PTPN6: variants seen among roughly 807,000 people sequenced by gnomAD.
PTPN6 encodes protein tyrosine phosphatase non-receptor type 6.
Under a neutral mutation model 81.5 loss-of-function variants are expected in PTPN6, and 18 were observed. The observed-to-expected ratio is 0.22, with a 90% CI of 0.15 to 0.33. The LOEUF is 0.33. Ranked by LOEUF, PTPN6 falls within the 10% of genes least tolerant of loss-of-function variation. The probability of loss-of-function intolerance (pLI) is 1.00; values close to 1 mark genes in which losing one functional copy is unlikely to be tolerated. For missense variants in PTPN6, 500 were observed against 794.2 expected, an observed-to-expected ratio of 0.63 and a Z score of 4.45; for synonymous variants, 301 against 310.9, an observed-to-expected ratio of 0.97 and a Z score of 0.33.
At position 6,957,862 on chromosome 12, in the gene PTPN6, A is replaced by C. The variant is rs1379867430; in HGVS notation, c.1207-57A>C. 6.2e-7 allele frequency: 1 copy of C among 1,613,934 alleles called. No homozygotes were observed. The highest frequency in any genetic ancestry group is 8.5e-7 in the Non-Finnish European group (1 of 1,179,978). ...TTCTCCTCTCTGGTCGGGTAGGGTG[A>C]GATGGATGAGGTGTTCCGAGAGAGG... On this transcript the variant is annotated intron_variant, in intron 10 of 15. Transcript: ENST00000318974. This position sits in a 1 kb window ranked among gnomAD's most constrained non-coding sequence, Gnocchi z 6.5.
chr12:6,957,737 C>T lies in PTPN6; in HGVS notation c.1158C>T (p.Asp386=). Residue 386 remains aspartate (D), a synonymous_variant, in exon 10 of 16, where the codon GAC becomes GAT. Coordinates refer to ENST00000318974, the MANE Select transcript of PTPN6 (RefSeq NM_002831.6). This position sits in a 1 kb window ranked among gnomAD's most constrained non-coding sequence, Gnocchi z 6.5. ...CTGTGACCAACTGCGGGGAGCATGA[C>T]ACAACCGAATACAAACTCCGTACCT... ...PYSVTNCGEH[D]TTEYKLRTLQ... 2 of 1,613,912 alleles carry T rather than the reference C, an allele frequency of 1.2e-6. No homozygotes were observed. Among genetic ancestry groups the T allele is most frequent in the South Asian group, 2.2e-5 (2 of 91,080 alleles).
rs1555148437 is a variant in PTPN6, at chr12:6,955,329, T to G, written c.634-43T>G. 6.2e-7 allele frequency: 1 copy of G among 1,611,396 alleles called. No homozygotes were observed. The highest frequency in any genetic ancestry group is 1.7e-5 in the Admixed American group (1 of 60,012). ...GAGCTGTCCCCCAGATGTGAGCTTCTGGGATCTCTGAGTTGCTGACTTCTC... is the reference window on the plus strand; with the variant it reads ...GAGCTGTCCCCCAGATGTGAGCTTCGGGGATCTCTGAGTTGCTGACTTCTC... On this transcript the variant is annotated intron_variant, in intron 5 of 15. Transcript: ENST00000318974. The surrounding 1 kb of genome is among the most constrained non-coding windows in gnomAD (Gnocchi z 7.2).
Position 6,959,717 on chromosome 12 carries a change from G to A in PTPN6, c.1362-210G>A, listed in dbSNP as rs1250562457. The stretch of plus-strand genomic sequence containing the variant: ...GGATGGTGGCAGCTGGGGAGCCAGC[G>A]TCAGCACCGCAGAGCCCGAGGTGGA... On this transcript the variant is annotated intron_variant, in intron 11 of 15. Coordinates refer to ENST00000318974, the MANE Select transcript of PTPN6 (RefSeq NM_002831.6). The surrounding 1 kb of genome is among the most constrained non-coding windows in gnomAD (Gnocchi z 6.6). 11 of 617,578 alleles carry A rather than the reference G, an allele frequency of 1.8e-5. No homozygotes were observed. Among genetic ancestry groups the A allele is most frequent in the South Asian group, 1.5e-4 (8 of 53,310 alleles). 38.3% of individuals were successfully genotyped at this position (617,578 alleles called of 1,614,324 possible).
chr12:6,960,883 A>T lies in PTPN6; in HGVS notation c.1751A>T (p.Asp584Val). The change falls in exon 15 of 16, where the codon GAC (aspartate) becomes GTC (valine). Residue 584 changes from aspartate to valine, a missense_variant. Asp to Val is a radical substitution (Grantham distance 152). Around this residue, in one of 6 missense-constraint regions of PTPN6, gnomAD observed 56 missense variants for 56.4 expected, o/e 0.99. Transcript: ENST00000318974. The surrounding 1 kb of genome is among the most constrained non-coding windows in gnomAD (Gnocchi z 6.1). Reference sequence around the variant, plus strand: ...AAAGTGAAGAAGCAGCGGTCAGCAGACAAGGAGAAGAGCAAGGGTTCCCTC... The same window carrying T: ...AAAGTGAAGAAGCAGCGGTCAGCAGTCAAGGAGAAGAGCAAGGGTTCCCTC... ...EEKVKKQRSADKEKSKGSLKR... is the reference protein window; with the variant it reads ...EEKVKKQRSAVKEKSKGSLKR... The T allele has an allele frequency of 6.3e-7, 1 of 1,578,788 alleles. No homozygotes were observed. The highest frequency in any genetic ancestry group is 1.2e-5 in the South Asian group (1 of 86,436).
chr12:6,953,564 G>T (rs1227228203), intron 3 of PTPN6: 2 of 152,276 alleles, frequency 1.3e-5, no homozygotes, highest in Non-Finnish European at 2.9e-5. Flanking sequence ...CTGAGCCTGG[G>T]AGTGTGTGAG....
In PTPN6 at chr12:6,956,750, A is replaced by G. The variant is rs1397800824; in HGVS notation, c.1074+182A>G. ...ACGTGACCCCCAGATCCCTGCATGC[A>G]TCCCTGGGCTCTTCTGAGCTCCAGA... is the stretch of plus-strand genomic sequence containing the variant. On this transcript the variant is annotated intron_variant, in intron 9 of 15. Transcript: ENST00000318974. This position sits in a 1 kb window ranked among gnomAD's most constrained non-coding sequence, Gnocchi z 4.1. Among the ~76,000 whole-genome samples the G allele has an allele frequency of 6.6e-6, 1 of 152,112 alleles. No individual in the cohort carries two copies. Among genetic ancestry groups the G allele is most frequent in the Non-Finnish European group, 1.5e-5 (1 of 68,004 alleles).
chr12:6,959,990 C>A lies in PTPN6; in HGVS notation c.1425C>A (p.Thr475=). The change falls in exon 12 of 16, where the codon ACC becomes ACA. Residue 475 remains threonine (T), a synonymous_variant. Coordinates refer to ENST00000318974, the MANE Select transcript of PTPN6 (RefSeq NM_002831.6). This position sits in a 1 kb window ranked among gnomAD's most constrained non-coding sequence, Gnocchi z 6.6. ...ACATGCTCATGGAGAACATCTCCAC[C>A]AAGGGTGAGGGGCACCTGGGGGTTT... ...VIDMLMENIS[T]KGLDCDIDIQ... The A allele has an allele frequency of 6.2e-6, 10 of 1,609,544 alleles. No individual in the cohort carries two copies. The highest frequency in any genetic ancestry group is 8.5e-6 in the Non-Finnish European group (10 of 1,179,352).
At position 6,952,384 on chromosome 12, in the gene PTPN6, AC is replaced by A. The variant is rs1945942263; in HGVS notation, c.326+211del. 2 of 629,186 alleles carry A rather than the reference AC, an allele frequency of 3.2e-6. No homozygotes were observed. The highest frequency in any genetic ancestry group is 1.8e-5 in the African/African-American group (1 of 54,244). The allele number at this position is 629,186 out of a possible 1,614,324, so 39.0% of individuals were successfully genotyped here. A position where few individuals can be genotyped will look rare whatever the true frequency, so the allele number is the denominator to read the frequency against. ...CCTAACCTACCACCCTTTCCACCTA[AC>A]CCCGAGGAAGCCACAGAAAGCTGCC... On this transcript the variant is annotated intron_variant, in intron 3 of 15. Transcript: ENST00000318974. The surrounding 1 kb of genome is among the most constrained non-coding windows in gnomAD (Gnocchi z 8.1).
At chr12:6,946,755 C>A, upstream of PTPN6, 4 of 1,609,700 alleles carry the variant, frequency 2.5e-6, no homozygotes, top group Middle Eastern at 1.7e-4. Context: ...TCCCGGGCAC[C>A]ATCGGGGTCC....
chr12:6,960,911 G>A lies in PTPN6; in HGVS notation c.1779G>A (p.Lys593=), dbSNP rs782676287. ...ADKEKSKGSL[K]RK ...AGGAGAAGAGCAAGGGTTCCCTCAAGAGGAAGTGAGCGGTGCTGTCCTCAG... is the reference window on the plus strand; with the variant it reads ...AGGAGAAGAGCAAGGGTTCCCTCAAAAGGAAGTGAGCGGTGCTGTCCTCAG... The change falls in exon 15 of 16, where the codon AAG becomes AAA. Residue 593 remains lysine (K), a synonymous_variant. Coordinates refer to ENST00000318974, the MANE Select transcript of PTPN6 (RefSeq NM_002831.6). This position sits in a 1 kb window ranked among gnomAD's most constrained non-coding sequence, Gnocchi z 6.1. 3 of 1,567,816 alleles carry A rather than the reference G, an allele frequency of 1.9e-6. No homozygotes were observed. The highest frequency in any genetic ancestry group is 2.7e-5 in the African/African-American group (2 of 73,788).
In PTPN6 at chr12:6,960,512, A is replaced by G. The variant is rs936170026; in HGVS notation, c.1673+77A>G. 4.0e-6 allele frequency: 6 copies of G among 1,512,016 alleles called. No individual in the cohort carries two copies. Among genetic ancestry groups the G allele is most frequent in the Non-Finnish European group, 5.4e-6 (6 of 1,102,090 alleles). The allele number at this position is 1,512,016 out of a possible 1,614,324, so 93.7% of individuals were successfully genotyped here. A position where few individuals can be genotyped will look rare whatever the true frequency, so the allele number is the denominator to read the frequency against. On this transcript the variant is annotated intron_variant, in intron 14 of 15. Transcript: ENST00000318974. The surrounding 1 kb of genome is among the most constrained non-coding windows in gnomAD (Gnocchi z 6.1). ...GCCCGATCCTCACTTTCTGGAGAGG[A>G]CAAGTGTTGCAGCTGGGGGGACCTG...
Position 6,959,009 on chromosome 12 carries a change from G to A in PTPN6, c.1362-918G>A, listed in dbSNP as rs1206278002. On this transcript the variant is annotated intron_variant, in intron 11 of 15. Transcript: ENST00000318974. The surrounding 1 kb of genome is among the most constrained non-coding windows in gnomAD (Gnocchi z 6.6). ...GGGGAATGGGAACCTGCCTTGCCCC[G>A]GTCCCTTCCCACTCCCTCCGTGGAC... Among the ~76,000 whole-genome samples the A allele has an allele frequency of 6.6e-5, 10 of 152,114 alleles. No individual in the cohort carries two copies. Among genetic ancestry groups the A allele is most frequent in the African/African-American group, 4.8e-5 (2 of 41,420 alleles).
At chr12:6,947,158 C>G (rs1945837572), upstream of PTPN6, among the ~76,000 whole-genome samples, 1 of 152,174 alleles carries the variant, frequency 6.6e-6, no homozygotes, top group Admixed American at 6.6e-5. Context: ...TTCTTTGTTT[C>G]CTTTCACTTC....
In PTPN6 at chr12:6,955,511, G is replaced by A. The variant is rs1189933889; in HGVS notation, c.747+26G>A. The A allele has an allele frequency of 1.9e-6, 3 of 1,608,676 alleles. No individual in the cohort carries two copies. The highest frequency in any genetic ancestry group is 1.3e-5 in the African/African-American group (1 of 74,778). The stretch of plus-strand genomic sequence containing the variant: ...GTGCATGGTGGGGACCGGCAGGGCT[G>A]GGGCAGCTGAGGTGGTGGCAGCGGC... On this transcript the variant is annotated intron_variant, in intron 6 of 15. Transcript: ENST00000318974. This position sits in a 1 kb window ranked among gnomAD's most constrained non-coding sequence, Gnocchi z 7.2.
At position 6,959,743 on chromosome 12, in the gene PTPN6, G is replaced by A. The variant is rs1350130403; in HGVS notation, c.1362-184G>A. 1 of 664,662 alleles carries A rather than the reference G, an allele frequency of 1.5e-6. No homozygotes were observed. Among genetic ancestry groups the A allele is most frequent in the East Asian group, 2.7e-5 (1 of 37,316 alleles). 41.2% of individuals were successfully genotyped at this position (664,662 alleles called of 1,614,324 possible). A position where few individuals can be genotyped will look rare whatever the true frequency, so the allele number is the denominator to read the frequency against. ...TCAGCACCGCAGAGCCCGAGGTGGA[G>A]CGTGTCCATGCAGAGCTGGGCAAAC... On this transcript the variant is annotated intron_variant, in intron 11 of 15. Coordinates refer to ENST00000318974, the MANE Select transcript of PTPN6 (RefSeq NM_002831.6). This position sits in a 1 kb window ranked among gnomAD's most constrained non-coding sequence, Gnocchi z 6.6.
At position 6,957,765 on chromosome 12, in the gene PTPN6, C is replaced by G. The variant is rs1555148971; in HGVS notation, c.1186C>G (p.Gln396Glu). Residue 396 changes from glutamine (Q) to glutamate (E), a missense_variant, in exon 10 of 16, where the codon CAG becomes GAG. Physicochemically the swap from Gln to Glu is conservative, Grantham distance 29 (BLOSUM62 2). Around this residue, in one of 6 missense-constraint regions of PTPN6, gnomAD observed 226 missense variants for 364.4 expected, o/e 0.62. Coordinates refer to ENST00000318974, the MANE Select transcript of PTPN6 (RefSeq NM_002831.6). The surrounding 1 kb of genome is among the most constrained non-coding windows in gnomAD (Gnocchi z 6.5). Reference protein sequence around the residue: ...DTTEYKLRTLQVSPLDNGDLI... With the variant: ...DTTEYKLRTLEVSPLDNGDLI... ...AACCGAATACAAACTCCGTACCTTA[C>G]AGGTCTCCCCGCTGGACAATGTGAG... The G allele has an allele frequency of 6.2e-7, 1 of 1,614,070 alleles. No individual in the cohort carries two copies. The highest frequency in any genetic ancestry group is 8.5e-7 in the Non-Finnish European group (1 of 1,180,032).
chr12:6,947,626 A>ACCACTG, upstream of PTPN6, among the ~76,000 whole-genome samples: 1 of 150,564 alleles, frequency 6.6e-6, no homozygotes, highest in East Asian at 2.0e-4. Flanking sequence ...CGATGATTGC[A>ACCACTG]CCACTGCACA....
Position 6,959,869 on chromosome 12 carries a change from A to C in PTPN6, c.1362-58A>C, listed in dbSNP as rs373449314. Reference sequence around the variant, plus strand: ...CTGGGGCTGGAGCTGAGCGCTGGGTACCCCCCTTCCCGGGGAGGGCTTGAC... The same window carrying C: ...CTGGGGCTGGAGCTGAGCGCTGGGTCCCCCCCTTCCCGGGGAGGGCTTGAC... On this transcript the variant is annotated intron_variant, in intron 11 of 15. Coordinates refer to ENST00000318974, the MANE Select transcript of PTPN6 (RefSeq NM_002831.6). The surrounding 1 kb of genome is among the most constrained non-coding windows in gnomAD (Gnocchi z 6.6). 548 of 1,573,438 alleles carry C rather than the reference A, an allele frequency of 3.5e-4. 2 individuals are homozygous for C. In the African/African-American group the frequency reaches 5.3e-3, roughly 15 times the overall value.
rs1462658957 is a variant in PTPN6 at position 6,959,670 on chromosome 12, G to A, written c.1362-257G>A. On this transcript the variant is annotated intron_variant, in intron 11 of 15. Transcript: ENST00000318974. The surrounding 1 kb of genome is among the most constrained non-coding windows in gnomAD (Gnocchi z 6.6). Reference sequence around the variant, plus strand: ...GCCACTCACTAGGAGTGAGGAGTCGGCGCGAGGAGTGGAGGAGGGAAGGAT... The same window carrying A: ...GCCACTCACTAGGAGTGAGGAGTCGACGCGAGGAGTGGAGGAGGGAAGGAT... The A allele has an allele frequency of 1.7e-6, 1 of 590,266 alleles. No homozygotes were observed. The highest frequency in any genetic ancestry group is 2.0e-5 in the South Asian group (1 of 50,924). The allele number at this position is 590,266 out of a possible 1,614,324, so 36.6% of individuals were successfully genotyped here. A position where few individuals can be genotyped will look rare whatever the true frequency, so the allele number is the denominator to read the frequency against.
Sources: gnomAD v4.1 joint callset for allele counts (sites outside exome capture counted in the v4.1 genomes callset) on GRCh38, gnomAD v4.1.1 for gene constraint, gnomAD v4.1.1 regional missense constraint, Gnocchi (gnomAD v3.1) non-coding constraint, MANE v1.5 for transcripts, NCBI Gene and HGNC (gene_info 2026-07-23, HGNC 2026-07-21) for gene names.